ALLC: variants seen among roughly 807,000 people sequenced by gnomAD.
ALLC encodes probable inactive allantoicase.
ALLC carries 40 observed loss-of-function variants against 45.0 expected under a neutral mutation model. The ratio of observed to expected loss-of-function variants is 0.89; its 90% CI spans 0.69 to 1.16. The LOEUF (loss-of-function observed/expected upper bound fraction) is 1.16. Among genes scored for constraint, ALLC ranks in the 50% most tolerant of loss-of-function variants. The pLI is 0.00. For missense variants in ALLC, 488 were observed against 493.1 expected (o/e 0.99, Z 0.10); for synonymous variants, 176 against 178.1 (o/e 0.99, Z 0.09).
Position 3,695,714 on chromosome 2 carries a change from C to G in ALLC, c.512-3C>G. The G allele has an allele frequency of 6.2e-7, 1 of 1,613,974 alleles. No homozygotes were observed. Among genetic ancestry groups the G allele is most frequent in the Non-Finnish European group, 8.5e-7 (1 of 1,179,882 alleles). The stretch of plus-strand genomic sequence containing the variant: ...CAATAACTAAGGCACCTTTCCTTTT[C>G]AGATGGTGGAATTGCACGACTTAGA... On this transcript the variant is annotated splice_polypyrimidine_tract_variant and splice_region_variant and intron_variant, in intron 7 of 11. Transcript: ENST00000252505.
intron 7 of ALLC, among the ~76,000 whole-genome samples, chr2:3,690,244 CTCCCCTTCCCTTCCCTTCCCT>C: frequency 1.3e-5 from 1 of 74,546 alleles, no homozygotes; most frequent in Non-Finnish European, 2.6e-5. Flanking sequence ...TTCTGATCCC[CTCCCCTTCCCTTCCCTTCCCT>C]CCCCCCTCCC....
At chr2:3,685,985 T>A (rs115941938) in intron 7 of ALLC, among the ~76,000 whole-genome samples, 2,107 of 151,098 alleles carry the variant, frequency 0.014, 77 homozygotes, top group African/African-American at 0.049. Context: ...TTTAGCTTGA[T>A]GTAATCCCAT....
At chr2:3,675,630 T>C (rs1427731223) in intron 3 of ALLC, among the ~76,000 whole-genome samples, 1 of 151,972 alleles carries the variant, frequency 6.6e-6, no homozygotes, top group East Asian at 1.9e-4. Flanking sequence ...ACTTACACAC[T>C]ACATATGTGT....
the ALLC span, among the ~76,000 whole-genome samples, chr2:3,652,723 T>C: frequency 1.3e-5 from 2 of 151,544 alleles, no homozygotes; most frequent in African/African-American, 4.8e-5. Flanking sequence ...GCTGGGACTA[T>C]AGGCGTGTGC....
intron 6 of ALLC, among the ~76,000 whole-genome samples, chr2:3,682,509 CCAT>C (rs1006136616): frequency 2.0e-5 from 3 of 152,118 alleles, no homozygotes; most frequent in African/African-American, 4.8e-5. Flanking sequence ...CATTAGGTAT[CCAT>C]CATTATTTAT....
At chr2:3,651,443 T>TG in the ALLC span, among the ~76,000 whole-genome samples, 4 of 16,790 alleles carry the variant, frequency 2.4e-4, 1 homozygote, top group Admixed American at 2.2e-3. Context: ...GTGTGTGTGT[T>TG]AGGAAGGGAG....
intron 1 of ALLC, among the ~76,000 whole-genome samples, chr2:3,668,070 T>C (rs1281392829): frequency 2.0e-5 from 3 of 152,172 alleles, no homozygotes; most frequent in African/African-American, 7.2e-5. Context: ...AGGACGATAA[T>C]AAATATTACA....
chr2:3,682,585 G>A (rs560013553), intron 6 of ALLC, among the ~76,000 whole-genome samples: 78 of 152,256 alleles, frequency 5.1e-4, no homozygotes, highest in Non-Finnish European at 9.3e-4. Flanking sequence ...GAGTGCAGGG[G>A]CGCGATCTCG....
intron 10 of ALLC, among the ~76,000 whole-genome samples, chr2:3,699,687 C>T (rs1365518894): frequency 6.6e-6 from 1 of 152,132 alleles, no homozygotes; most frequent in African/African-American, 2.4e-5. Context: ...TTTTTCATAA[C>T]AGCCATTCTG....
rs1326190158 is a variant in ALLC, at chr2:3,690,541, T to C, written c.512-5176T>C. On this transcript the variant is annotated intron_variant, in intron 7 of 11. Transcript: ENST00000252505. ...GTATGTTTTAATTGACTTTTATTTT[T>C]AGCAAATCTATTATAGGTTTTTGCA... 3.4e-5 allele frequency among the ~76,000 whole-genome samples: 5 copies of C among 148,742 alleles called. No homozygotes were observed. The East Asian group carries it at 6.0e-4, about 18-fold the overall frequency.
intron 7 of ALLC, among the ~76,000 whole-genome samples, chr2:3,684,957 G>A (rs934667281): frequency 6.6e-6 from 1 of 152,016 alleles, no homozygotes; most frequent in African/African-American, 2.4e-5. Flanking sequence ...CTATTCCTCT[G>A]TTAATGGGCA....
At chr2:3,691,232 T>A (rs1667509388) in intron 7 of ALLC, among the ~76,000 whole-genome samples, 1 of 152,076 alleles carries the variant, frequency 6.6e-6, no homozygotes, top group South Asian at 2.1e-4. Context: ...TCTTGCTGCT[T>A]TTAGGATATT....
chr2:3,674,535 G>A lies in ALLC; in HGVS notation c.84+410G>A, dbSNP rs562832485. Among the ~76,000 whole-genome samples the A allele has an allele frequency of 7.9e-5, 12 of 152,280 alleles. No individual in the cohort carries two copies. The South Asian group carries it at 1.5e-3, about 18-fold the overall frequency. On this transcript the variant is annotated intron_variant, in intron 3 of 11. Coordinates refer to ENST00000252505, the MANE Select transcript of ALLC (RefSeq NM_018436.4). ...CTGACGAACATAGGGAAGAAATGGC[G>A]GCCCTGCTGGCGTCCTGCTCCTCCG...
At chr2:3,676,346 G>A (rs940424610) in intron 3 of ALLC, among the ~76,000 whole-genome samples, 1 of 152,148 alleles carries the variant, frequency 6.6e-6, no homozygotes, top group Admixed American at 6.5e-5. Flanking sequence ...GCAGTGGCAC[G>A]GTCATGGCTC....
chr2:3,651,432 TGTGTGTGTGTTAGGAA>T, the ALLC span, among the ~76,000 whole-genome samples: 2 of 60,152 alleles, frequency 3.3e-5, no homozygotes, highest in Non-Finnish European at 7.6e-5. Flanking sequence ...TGTGTGTGTG[TGTGTGTGTGTTAGGAA>T]GGGAGACGAG....
At chr2:3,647,041 C>G in the ALLC span, among the ~76,000 whole-genome samples, 4 of 152,226 alleles carry the variant, frequency 2.6e-5, no homozygotes, top group Middle Eastern at 6.8e-3. Flanking sequence ...CGTGAGGACG[C>G]AGAGCCACTC....
intron 1 of ALLC, among the ~76,000 whole-genome samples, chr2:3,667,373 C>T (rs1286983711): frequency 2.0e-5 from 3 of 151,934 alleles, no homozygotes; most frequent in African/African-American, 4.9e-5. Context: ...GCTCTGCACA[C>T]GGTGCTGAAT....
intron 5 of ALLC, 49 bp from the exon 6 acceptor site, chr2:3,681,585 T>G: frequency 2.9e-6 from 4 of 1,388,190 alleles, no homozygotes; most frequent in Non-Finnish European, 4.0e-6. Context: ...GTAGATTCCC[T>G]TTGATTTTGA....
At chr2:3,677,604 C>T (rs896594069) in intron 3 of ALLC, among the ~76,000 whole-genome samples, 1 of 152,148 alleles carries the variant, frequency 6.6e-6, no homozygotes, top group Non-Finnish European at 1.5e-5. Context: ...AGGTGGGTAC[C>T]GTTGGCCACG....
Sources: allele counts gnomAD v4.1 joint callset (sites outside exome capture counted in the v4.1 genomes callset), GRCh38; gene constraint gnomAD v4.1.1; transcripts MANE v1.5; gene names NCBI Gene and HGNC (gene_info 2026-07-23, HGNC 2026-07-21).